Variants in SHROOM2 observed in about 807,000 individuals in gnomAD.
The protein encoded by SHROOM2 is protein Shroom2.
SHROOM2 carries 33 observed loss-of-function variants against 75.9 expected under a neutral mutation model. The ratio of observed to expected loss-of-function variants is 0.43; its 90% CI spans 0.33 to 0.58. The LOEUF (loss-of-function observed/expected upper bound fraction) is 0.58, where lower values mean the gene tolerates loss of function less well. Among genes scored for constraint, SHROOM2 ranks in the 20% least tolerant of loss-of-function variants. The pLI is 0.04. For synonymous variants in SHROOM2, 655 were observed against 663.6 expected (o/e 0.99, Z 0.20); for missense variants, 1,434 against 1,461.2 (o/e 0.98, Z 0.30).
At chrX:9,812,355 T>C (rs1050220142) in intron 1 of SHROOM2, among the ~76,000 whole-genome samples, 1 of 111,777 alleles carries the variant, frequency 8.9e-6, no homozygotes, top group Admixed American at 9.6e-5. Flanking sequence ...CATTCAAAAC[T>C]GGCAGCCTTT....
intron 1 of SHROOM2, among the ~76,000 whole-genome samples, chrX:9,805,586 A>G (rs1376530298): frequency 1.8e-5 from 2 of 108,484 alleles, no homozygotes; most frequent in Admixed American, 1.9e-4. Flanking sequence ...AGATTAAAAA[A>G]TTAGCCGGGC....
chrX:9,797,272 T>C (rs1337416770), intron 1 of SHROOM2, among the ~76,000 whole-genome samples: 2 of 112,325 alleles, frequency 1.8e-5, no homozygotes, highest in East Asian at 5.6e-4. Context: ...GGAATGAAGA[T>C]GGCCGCAGGG....
At chrX:9,919,862 C>G (rs2084526880) in intron 5 of SHROOM2, among the ~76,000 whole-genome samples, 1 of 110,722 alleles carries the variant, frequency 9.0e-6, no homozygotes, top group Admixed American at 9.6e-5. Flanking sequence ...CAGCTCATCA[C>G]AGAGTACAAC....
rs756297593 is a variant in SHROOM2 at position 9,911,120 on chromosome X, G to A, written c.2891+12830G>A. Reference sequence around the variant, plus strand: ...TCTTAGAGACAGTAACATGTACTTGGTAAAGTAATACGTGAAGATGAAAAG... The same window carrying A: ...TCTTAGAGACAGTAACATGTACTTGATAAAGTAATACGTGAAGATGAAAAG... On this transcript the variant is annotated intron_variant, in intron 5 of 9. Coordinates refer to ENST00000380913, the MANE Select transcript of SHROOM2 (RefSeq NM_001649.4). 5.4e-5 allele frequency among the ~76,000 whole-genome samples: 6 copies of A among 111,702 alleles called. No individual in the cohort carries two copies. In the South Asian group the frequency reaches 2.3e-3, roughly 42 times the overall value.
intron 1 of SHROOM2, among the ~76,000 whole-genome samples, chrX:9,807,166 C>G (rs1370662629): frequency 8.9e-6 from 1 of 112,125 alleles, no homozygotes; most frequent in Non-Finnish European, 1.9e-5. Flanking sequence ...TCGAGTATGT[C>G]TGAGCCTGGA....
chrX:9,934,078 G>T (rs199523031), intron 6 of SHROOM2, among the ~76,000 whole-genome samples: 1 of 111,664 alleles, frequency 9.0e-6, no homozygotes, highest in Non-Finnish European at 1.9e-5. Context: ...TTGTCCGACC[G>T]CAGATGCCAG....
intron 1 of SHROOM2, among the ~76,000 whole-genome samples, chrX:9,795,533 C>T (rs965374549): frequency 9.0e-6 from 1 of 111,427 alleles, no homozygotes; most frequent in African/African-American, 3.3e-5. Flanking sequence ...TAGATTGTTT[C>T]TGAGCTCTGC....
At chrX:9,859,397 A>C (rs7062290) in intron 1 of SHROOM2, among the ~76,000 whole-genome samples, 60,433 of 111,186 alleles carry the variant, frequency 0.54, 14,959 homozygotes, top group Non-Finnish European at 0.77. Context: ...GAAGAAACAG[A>C]TATCATTTGG....
At chrX:9,823,399 T>A (rs981283941) in intron 1 of SHROOM2, among the ~76,000 whole-genome samples, 10 of 110,584 alleles carry the variant, frequency 9.0e-5, no homozygotes, top group East Asian at 2.8e-4. Flanking sequence ...TGTGTCACCA[T>A]GCCTGGCTAA....
rs745384319 is a variant in SHROOM2 at position 9,932,300 on chromosome X, G to A, written c.3017G>A (p.Arg1006Gln). The stretch of plus-strand genomic sequence containing the variant: ...TGCCGGGGAGCCCCAGAGCTGCCCC[G>A]GGAGGGCCGGGGCCGAGCGGGAACC... ...SHCRGAPELPREGRGRAGTLP... is the reference protein window; with the variant it reads ...SHCRGAPELPQEGRGRAGTLP... Residue 1006 changes from arginine to glutamine, a missense_variant, in exon 6 of 10, where the codon CGG becomes CAG. Arg to Gln is a conservative substitution (Grantham distance 43). Transcript: ENST00000380913. 22 of 1,205,997 alleles carry A rather than the reference G, an allele frequency of 1.8e-5. No homozygotes were observed. The highest frequency in any genetic ancestry group is 2.2e-5 in the Non-Finnish European group (20 of 892,353).
intron 1 of SHROOM2, among the ~76,000 whole-genome samples, chrX:9,807,774 C>T (rs2083762914): frequency 8.9e-6 from 1 of 112,305 alleles, no homozygotes; most frequent in Non-Finnish European, 1.9e-5. Context: ...CTAAAGGGAG[C>T]CCTTCTGTGA....
In SHROOM2 at chrX:9,815,432, T is replaced by TTA. The variant is rs1555923228; in HGVS notation, c.165+28724_165+28725dup. Among the ~76,000 whole-genome samples the TTA allele has an allele frequency of 3.8e-3, 183 of 48,384 alleles. 1 individual carries two copies. The highest frequency in any genetic ancestry group is 0.013 in the African/African-American group (172 of 13,347). 42.0% of individuals were successfully genotyped at this position (48,384 alleles called of 115,157 possible). A position where few individuals can be genotyped will look rare whatever the true frequency, so the allele number is the denominator to read the frequency against. On this transcript the variant is annotated intron_variant, in intron 1 of 9. Transcript: ENST00000380913. ...AGAACTAATAGGATAGATATACATATTATGTGTGTGTGTGTGTGTGTGTGT... is the reference window on the plus strand; with the variant it reads ...AGAACTAATAGGATAGATATACATATTATATGTGTGTGTGTGTGTGTGTGTGT...
intron 1 of SHROOM2, among the ~76,000 whole-genome samples, chrX:9,851,808 C>T (rs968994599): frequency 9.0e-6 from 1 of 110,752 alleles, no homozygotes; most frequent in African/African-American, 3.3e-5. Flanking sequence ...GGTTCCCTCA[C>T]ATTGCCCCTT....
intron 1 of SHROOM2, among the ~76,000 whole-genome samples, chrX:9,792,455 TTG>T (rs756940597): frequency 2.4e-5 from 1 of 42,404 alleles, no homozygotes; most frequent in African/African-American, 6.4e-5. Flanking sequence ...TTTTTTTGTG[TTG>T]TTTTTTTTTT....
chrX:9,927,971 G>C (rs1239076460), intron 5 of SHROOM2, among the ~76,000 whole-genome samples: 1 of 112,031 alleles, frequency 8.9e-6, no homozygotes, highest in Non-Finnish European at 1.9e-5. Flanking sequence ...AGCAAAAATA[G>C]AGTAATGCCA....
chrX:9,874,215 G>C (rs979305455), intron 2 of SHROOM2, among the ~76,000 whole-genome samples: 1 of 111,825 alleles, frequency 8.9e-6, no homozygotes, highest in Non-Finnish European at 1.9e-5. Context: ...CAAGGGTTTA[G>C]AGCACTGTGC....
rs2084314442 is a variant in SHROOM2 at position 9,894,714 on chromosome X, C to T, written c.806C>T (p.Pro269Leu). ...QGSEEKLSCF[P>L]PRVPGDSGKG... Reference sequence around the variant, plus strand: ...TCGGAGGAGAAGCTCAGTTGTTTCCCGCCCAGGGTCCCCGGTGACAGCGGC... The same window carrying T: ...TCGGAGGAGAAGCTCAGTTGTTTCCTGCCCAGGGTCCCCGGTGACAGCGGC... The change falls in exon 4 of 10, where the codon CCG becomes CTG. Residue 269 changes from proline (P) to leucine (L), a missense_variant. Coordinates refer to ENST00000380913, the MANE Select transcript of SHROOM2 (RefSeq NM_001649.4). The T allele has an allele frequency of 3.3e-6, 4 of 1,210,461 alleles. No homozygotes were observed. The highest frequency in any genetic ancestry group is 3.5e-5 in the South Asian group (2 of 56,748).
chrX:9,899,066 A>T (rs1294893081), intron 5 of SHROOM2, among the ~76,000 whole-genome samples: 1 of 108,997 alleles, frequency 9.2e-6, no homozygotes, highest in Non-Finnish European at 1.9e-5. Flanking sequence ...CAACATGGTG[A>T]GATCCCATCT....
At chrX:9,842,063 A>G (rs138924000) in intron 1 of SHROOM2, among the ~76,000 whole-genome samples, 1 of 111,499 alleles carries the variant, frequency 9.0e-6, no homozygotes, top group Non-Finnish European at 1.9e-5. Context: ...TGTTTCTAAA[A>G]TAAAAACATC....
Sources: gnomAD v4.1 joint callset for allele counts (sites outside exome capture counted in the v4.1 genomes callset) on GRCh38, gnomAD v4.1.1 for gene constraint, MANE v1.5 for transcripts, NCBI Gene and HGNC (gene_info 2026-07-23, HGNC 2026-07-21) for gene names.